COG7: variants seen among roughly 807,000 people sequenced by gnomAD.
COG7 encodes component of oligomeric golgi complex 7, also known as conserved oligomeric Golgi complex subunit 7.
A neutral mutation model predicts 91.5 loss-of-function variants in COG7; 49 were observed. That is an observed-to-expected ratio of 0.54 (90% CI 0.43 to 0.68). The LOEUF (loss-of-function observed/expected upper bound fraction) is 0.68. Ranked by LOEUF, COG7 falls within the 30% of genes least tolerant of loss-of-function variation. The pLI, the probability that COG7 is intolerant of heterozygous loss-of-function variation, is 0.00. For synonymous variants in COG7, 365 were observed against 388.7 expected, an observed-to-expected ratio of 0.94 and a Z score of 0.72; for missense variants, 895 against 961.3, an observed-to-expected ratio of 0.93 and a Z score of 0.91.
intron 7 of COG7, 139 bp downstream of exon 7, chr16:23,424,610 A>G (rs1963813892): frequency 6.8e-6 from 6 of 888,346 alleles, no homozygotes; most frequent in South Asian, 5.9e-5. Context: ...AGCCCTCCAC[A>G]TCTGCTGAGA....
intron 7 of COG7, among the ~76,000 whole-genome samples, chr16:23,422,841 G>A (rs1311644783): frequency 6.6e-6 from 1 of 151,976 alleles, no homozygotes; most frequent in Admixed American, 6.6e-5. Context: ...CAAGGAGTTT[G>A]AGACCAGCCT....
intron 1 of COG7, among the ~76,000 whole-genome samples, chr16:23,449,917 T>C (rs1964241570): frequency 6.6e-6 from 1 of 151,998 alleles, no homozygotes; most frequent in African/African-American, 2.4e-5. Context: ...CCAAACCTCA[T>C]ATATGTGCTA....
chr16:23,444,930 A>C, intron 3 of COG7, 118 bp downstream of exon 3: 1 of 818,334 alleles, frequency 1.2e-6, no homozygotes, highest in South Asian at 1.3e-5. Flanking sequence ...CCCCACCCTG[A>C]GTCTGAAGGT....
intron 16 of COG7, chr16:23,391,880 G>C (rs1963202823): frequency 2.0e-6 from 1 of 491,364 alleles, no homozygotes; most frequent in African/African-American, 2.0e-5. Flanking sequence ...AGACCACAAA[G>C]TGACCCTGGC....
chr16:23,441,341 G>A (rs761506981), intron 4 of COG7, among the ~76,000 whole-genome samples: 2 of 152,214 alleles, frequency 1.3e-5, no homozygotes, highest in Admixed American at 6.5e-5. Flanking sequence ...TTGGGAGGCC[G>A]AGGTGGGCAG....
At chr16:23,428,991 C>T (rs770651899) in intron 6 of COG7, among the ~76,000 whole-genome samples, 9 of 151,400 alleles carry the variant, frequency 5.9e-5, no homozygotes, top group East Asian at 2.0e-4. Flanking sequence ...CCACACCCAG[C>T]CATCTTTCTT....
intron 14 of COG7, among the ~76,000 whole-genome samples, chr16:23,397,079 T>C (rs1418402934): frequency 6.6e-6 from 1 of 152,114 alleles, no homozygotes; most frequent in Non-Finnish European, 1.5e-5. Flanking sequence ...TGGATAATTT[T>C]TTACTTTTTT....
At chr16:23,403,474 G>A (rs1567331052) in intron 13 of COG7, among the ~76,000 whole-genome samples, 1 of 152,228 alleles carries the variant, frequency 6.6e-6, no homozygotes. Flanking sequence ...TAATAATCCT[G>A]AGAACCGCCT....
At position 23,445,173 on chromosome 16, in the gene COG7, G is replaced by A; in HGVS notation, c.319-9C>T. On this transcript the variant is annotated splice_polypyrimidine_tract_variant and intron_variant, in intron 2 of 16. Coordinates refer to ENST00000307149, the MANE Select transcript of COG7 (RefSeq NM_153603.4). ...TCAATTTCTACCAACACCTGAAAGA[G>A]GCGTGAGGGGTGAAAAATGAAGGGG... 1 of 1,594,426 alleles carries A rather than the reference G, an allele frequency of 6.3e-7. No individual in the cohort carries two copies. The highest frequency in any genetic ancestry group is 8.6e-7 in the Non-Finnish European group (1 of 1,162,060).
At chr16:23,420,685 C>T (rs775965337) in intron 7 of COG7, among the ~76,000 whole-genome samples, 1 of 152,274 alleles carries the variant, frequency 6.6e-6, no homozygotes, top group Middle Eastern at 3.4e-3. Context: ...GTGGGTCTAA[C>T]ATGGTAATAA....
chr16:23,433,761 TTGCTCAA>T, intron 5 of COG7, 94 bp from the exon 6 acceptor site: 1 of 1,491,856 alleles, frequency 6.7e-7, no homozygotes, highest in South Asian at 1.1e-5. Context: ...TAATCACGGA[TTGCTCAA>T]TGGGCTCACT....
chr16:23,441,067 A>G (rs1964093154), intron 4 of COG7, among the ~76,000 whole-genome samples: 1 of 151,348 alleles, frequency 6.6e-6, no homozygotes, highest in African/African-American at 2.4e-5. Flanking sequence ...AATAAAACAG[A>G]AAAAAAAAAT....
Position 23,434,699 on chromosome 16 carries a change from C to T in COG7, c.624G>A (p.Val208=). 6.2e-7 allele frequency: 1 copy of T among 1,612,860 alleles called. No homozygotes were observed. The highest frequency in any genetic ancestry group is 8.5e-7 in the Non-Finnish European group (1 of 1,178,806). Residue 208 remains valine (V), a synonymous_variant, in exon 5 of 17, where the codon GTG becomes GTA. Coordinates refer to ENST00000307149, the MANE Select transcript of COG7 (RefSeq NM_153603.4). ...SQAVDQSKVF[V]KVFTEIDRMP... ...TCCGGTCAATTTCAGTAAACACCTT[C>T]ACAAACACTTTGGACTGATCTAAAG...
chr16:23,422,536 CATA>C (rs1963775600), intron 7 of COG7, among the ~76,000 whole-genome samples: 1 of 148,816 alleles, frequency 6.7e-6, no homozygotes, highest in Admixed American at 6.7e-5. Flanking sequence ...GTATTTATTA[CATA>C]ATATTTATAT....
At chr16:23,422,487 G>A (rs542752809) in intron 7 of COG7, among the ~76,000 whole-genome samples, 2 of 148,362 alleles carry the variant, frequency 1.3e-5, no homozygotes, top group South Asian at 4.2e-4. Flanking sequence ...ATTATTACAT[G>A]TAAATATATA....
chr16:23,439,040 C>A (rs1964056627), intron 4 of COG7, among the ~76,000 whole-genome samples: 2 of 151,630 alleles, frequency 1.3e-5, no homozygotes, highest in Non-Finnish European at 2.9e-5. Flanking sequence ...CACCTTTAAT[C>A]CCAGCTACTC....
At chr16:23,421,696 G>A (rs983502211) in intron 7 of COG7, among the ~76,000 whole-genome samples, 2 of 151,526 alleles carry the variant, frequency 1.3e-5, no homozygotes, top group African/African-American at 2.4e-5. Flanking sequence ...AGGCACCTTC[G>A]TTCACTACTG....
intron 11 of COG7, among the ~76,000 whole-genome samples, chr16:23,407,815 G>A (rs1963487408): frequency 1.3e-5 from 2 of 151,930 alleles, no homozygotes; most frequent in Non-Finnish European, 2.9e-5. Flanking sequence ...GTCAGGTTCT[G>A]GAAATCTAGC....
intron 7 of COG7, 116 bp from the exon 8 acceptor site, chr16:23,418,943 G>A: frequency 1.1e-6 from 1 of 889,700 alleles, no homozygotes; most frequent in Non-Finnish European, 1.8e-6. Context: ...CTCCAGAGGG[G>A]ACTATATTTT....
Sources: allele counts gnomAD v4.1 joint callset (sites outside exome capture counted in the v4.1 genomes callset), GRCh38; gene constraint gnomAD v4.1.1; transcripts MANE v1.5; gene names NCBI Gene and HGNC (gene_info 2026-07-23, HGNC 2026-07-21).